SNX9: variants seen among roughly 807,000 people sequenced by gnomAD.
SNX9 encodes the protein sorting nexin 9, also known as sorting nexin-9.
SNX9 carries 44 observed loss-of-function variants against 89.4 expected under a neutral mutation model. The observed-to-expected ratio is 0.49, with a 90% CI of 0.39 to 0.63. The LOEUF is 0.63. SNX9 is among the 30% of genes least tolerant of loss of function. The pLI is 0.00. For missense variants in SNX9, 578 were observed against 736.1 expected (o/e 0.79, Z 2.49); for synonymous variants, 236 against 247.8 (o/e 0.95, Z 0.45).
In SNX9 at chr6:157,903,965, TTAAC is replaced by T. The variant is rs1209792503; in HGVS notation, c.620+1924_620+1927del. On this transcript the variant is annotated intron_variant, in intron 6 of 17. Coordinates refer to ENST00000392185, the MANE Select transcript of SNX9 (RefSeq NM_016224.5). ...GATTTAACACCCTGTGTATTTGTAT[TTAAC>T]TAAACTGTATAAATGAGTCACTTAA... Among the ~76,000 whole-genome samples, 3 of 152,322 alleles carry T rather than the reference TTAAC, an allele frequency of 2.0e-5. No individual in the cohort carries two copies. The East Asian group carries it at 5.8e-4, about 29-fold the overall frequency.
intron 10 of SNX9, among the ~76,000 whole-genome samples, chr6:157,924,061 G>A (rs1471051130): frequency 6.6e-6 from 1 of 152,136 alleles, no homozygotes; most frequent in Non-Finnish European, 1.5e-5. Flanking sequence ...CGCCAGGTGT[G>A]GTGGCACACA....
Position 157,932,866 on chromosome 6 carries a change from CAAAAAAAAAAAAA to C in SNX9, c.1366+610_1366+622del, listed in dbSNP as rs10545432. Among the ~76,000 whole-genome samples, 140 of 39,210 alleles carry C rather than the reference CAAAAAAAAAAAAA, an allele frequency of 3.6e-3. 2 individuals are homozygous for C. The highest frequency in any genetic ancestry group is 2.1e-3 in the East Asian group (2 of 960). The allele number at this position is 39,210 out of a possible 152,430, so 25.7% of individuals were successfully genotyped here. Reference sequence around the variant, plus strand: ...TGGGTGACAGAGCAAGACCCTGTCTCAAAAAAAAAAAAAAAAAAAAAAAAAAAAGCCAGATTTC... The same window carrying C: ...TGGGTGACAGAGCAAGACCCTGTCTCAAAAAAAAAAAAAAAGCCAGATTTC... On this transcript the variant is annotated intron_variant, in intron 13 of 17. Transcript: ENST00000392185.
At chr6:157,910,663 T>A (rs1488180409) in intron 9 of SNX9, among the ~76,000 whole-genome samples, 2 of 152,172 alleles carry the variant, frequency 1.3e-5, no homozygotes, top group Non-Finnish European at 2.9e-5. Flanking sequence ...AATCTTTTGG[T>A]AAGTAACCCA....
chr6:157,915,648 T>C (rs1424751034), intron 9 of SNX9, among the ~76,000 whole-genome samples: 1 of 103,404 alleles, frequency 9.7e-6, no homozygotes, highest in African/African-American at 4.0e-5. Flanking sequence ...AAAATATATA[T>C]ATATATATAC....
intron 4 of SNX9, among the ~76,000 whole-genome samples, chr6:157,883,883 A>G (rs2746217): frequency 0.2 from 30,772 of 152,188 alleles, 3,941 homozygotes; most frequent in Admixed American, 0.34. Flanking sequence ...TAAATTGTTA[A>G]GCTTGATAAG....
At chr6:157,841,975 C>T (rs575194659) in intron 1 of SNX9, among the ~76,000 whole-genome samples, 17 of 152,322 alleles carry the variant, frequency 1.1e-4, no homozygotes, top group African/African-American at 3.8e-4. Flanking sequence ...TTTGTTTCCT[C>T]TAGCCTCCCC....
At chr6:157,894,784 A>G (rs947027412) in intron 4 of SNX9, among the ~76,000 whole-genome samples, 1 of 152,220 alleles carries the variant, frequency 6.6e-6, no homozygotes, top group African/African-American at 2.4e-5. Context: ...CAATTTGACA[A>G]AATCCATCGG....
At chr6:157,920,459 G>A (rs1163115345) in intron 9 of SNX9, among the ~76,000 whole-genome samples, 2 of 152,182 alleles carry the variant, frequency 1.3e-5, no homozygotes, top group African/African-American at 2.4e-5. Flanking sequence ...TTCACAGCCT[G>A]TCCACCCTAG....
At chr6:157,859,489 T>C (rs1368023568) in intron 1 of SNX9, among the ~76,000 whole-genome samples, 1 of 152,244 alleles carries the variant, frequency 6.6e-6, no homozygotes, top group Non-Finnish European at 1.5e-5. Flanking sequence ...ATCAGTTGCC[T>C]GTTAGTAGAA....
At chr6:157,827,862 C>CTTTT (rs67464115) in intron 1 of SNX9, among the ~76,000 whole-genome samples, 1 of 133,936 alleles carries the variant, frequency 7.5e-6, no homozygotes, top group East Asian at 2.2e-4. Context: ...GTTCCTGATG[C>CTTTT]TTTTTTTTTT....
intron 2 of SNX9, 26 bp from the exon 3 acceptor site, chr6:157,873,072 CTTTT>C (rs572209866): frequency 9.9e-4 from 1,300 of 1,316,176 alleles, no homozygotes; most frequent in South Asian, 2.1e-3. Flanking sequence ...TAATCTTTTT[CTTTT>C]TTTTTTTTTT....
rs1028420105 is a variant in SNX9 at position 157,873,016 on chromosome 6, G to A, written c.100-86G>A. On this transcript the variant is annotated intron_variant, in intron 2 of 17. Coordinates refer to ENST00000392185, the MANE Select transcript of SNX9 (RefSeq NM_016224.5). ...GCTTAATGTTAATTGCTTTTTTTAT[G>A]TATAACAATTCCTCCACACAAAATT... 2.5e-5 allele frequency: 25 copies of A among 1,011,570 alleles called. No individual in the cohort carries two copies. In the South Asian group the frequency reaches 4.7e-4, roughly 19 times the overall value. 62.7% of individuals were successfully genotyped at this position (1,011,570 alleles called of 1,614,324 possible).
intron 2 of SNX9, among the ~76,000 whole-genome samples, chr6:157,869,025 A>C (rs1270366244): frequency 6.6e-6 from 1 of 152,262 alleles, no homozygotes; most frequent in South Asian, 2.1e-4. Context: ...ATACAAAGAC[A>C]GGAAACCTGG....
intron 4 of SNX9, among the ~76,000 whole-genome samples, chr6:157,893,773 A>G (rs1782913382): frequency 6.6e-6 from 1 of 152,214 alleles, no homozygotes; most frequent in Non-Finnish European, 1.5e-5. Flanking sequence ...AATGAAAATC[A>G]GTATTTTAAC....
chr6:157,902,609 C>T (rs903133401), intron 6 of SNX9, among the ~76,000 whole-genome samples: 26 of 151,936 alleles, frequency 1.7e-4, no homozygotes, highest in African/African-American at 2.2e-4. Context: ...AAACGTGGTC[C>T]GGAGCTTTGT....
At chr6:157,844,865 G>A (rs1198831074) in intron 1 of SNX9, among the ~76,000 whole-genome samples, 1 of 152,072 alleles carries the variant, frequency 6.6e-6, no homozygotes, top group Non-Finnish European at 1.5e-5. Context: ...AAAGTGCTGG[G>A]ATTACAGGCA....
intron 1 of SNX9, among the ~76,000 whole-genome samples, chr6:157,838,957 G>A (rs1781640533): frequency 6.6e-6 from 1 of 152,182 alleles, no homozygotes; most frequent in African/African-American, 2.4e-5. Context: ...AAATGGATCT[G>A]CTCCTTTTGA....
chr6:157,897,244 T>C (rs1208670964), intron 5 of SNX9, among the ~76,000 whole-genome samples: 1 of 152,136 alleles, frequency 6.6e-6, no homozygotes, highest in Non-Finnish European at 1.5e-5. Context: ...ACTCCCACCT[T>C]GGGTTCAATT....
At chr6:157,873,962 G>A (rs978224152) in intron 3 of SNX9, 1 of 152,232 alleles carries the variant, frequency 6.6e-6, no homozygotes, top group African/African-American at 2.4e-5. Flanking sequence ...ACCGAGCGAA[G>A]GTTCTTGGTA....
Sources: allele counts gnomAD v4.1 joint callset (sites outside exome capture counted in the v4.1 genomes callset), GRCh38; gene constraint gnomAD v4.1.1; transcripts MANE v1.5; gene names NCBI Gene and HGNC (gene_info 2026-07-23, HGNC 2026-07-21).